RBFOX1: variants seen among roughly 807,000 people sequenced by gnomAD.
The protein encoded by RBFOX1 is RNA binding fox-1 homolog 1.
RBFOX1 carries 8 observed loss-of-function variants against 57.7 expected under a neutral mutation model. The ratio of observed to expected loss-of-function variants is 0.14; its 90% CI spans 0.08 to 0.25. The LOEUF (loss-of-function observed/expected upper bound fraction) is 0.25. RBFOX1 is among the 10% of genes least tolerant of loss of function. The pLI is 1.00. For synonymous variants in RBFOX1, 326 were observed against 222.4 expected (o/e 1.47, Z -4.15); for missense variants, 611 against 548.5 (o/e 1.11, Z -1.14).
intron 2 of RBFOX1, among the ~76,000 whole-genome samples, chr16:6,617,460 T>C (rs1243805465): frequency 2.6e-5 from 4 of 151,534 alleles, no homozygotes; most frequent in Admixed American, 1.3e-4. Context: ...TCCAGTTCAC[T>C]TCTCATGGAT....
chr16:6,434,495 T>A (rs2094182117), intron 2 of RBFOX1, among the ~76,000 whole-genome samples: 1 of 152,212 alleles, frequency 6.6e-6, no homozygotes, highest in South Asian at 2.1e-4. Flanking sequence ...ATTTGTGAAC[T>A]GTGTATTCAT....
chr16:7,372,527 T>A (rs2097586488), intron 4 of RBFOX1, among the ~76,000 whole-genome samples: 1 of 152,126 alleles, frequency 6.6e-6, no homozygotes, highest in African/African-American at 2.4e-5. Flanking sequence ...CCAACCCTGA[T>A]TGATTAGTAG....
At chr16:6,049,154 C>T (rs777748868) in intron 1 of RBFOX1, among the ~76,000 whole-genome samples, 1 of 141,968 alleles carries the variant, frequency 7.0e-6, no homozygotes, top group Non-Finnish European at 1.5e-5. Flanking sequence ...CCTCGGCTTT[C>T]TGGGGTTCAA....
chr16:5,315,834 G>T (rs1487769117), intron 1 of RBFOX1, among the ~76,000 whole-genome samples: 1 of 152,102 alleles, frequency 6.6e-6, no homozygotes, highest in African/African-American at 2.4e-5. Flanking sequence ...GTCCACCTCT[G>T]TGCTCACATT....
intron 3 of RBFOX1, among the ~76,000 whole-genome samples, chr16:5,751,820 T>C (rs1364797509): frequency 1.3e-5 from 2 of 152,220 alleles, no homozygotes; most frequent in Non-Finnish European, 2.9e-5. Flanking sequence ...TTATTCCTTA[T>C]TGGTGGGAAA....
intron 2 of RBFOX1, among the ~76,000 whole-genome samples, chr16:6,596,315 G>A (rs902011146): frequency 6.6e-6 from 1 of 152,080 alleles, no homozygotes; most frequent in Admixed American, 6.6e-5. Flanking sequence ...ATTTGCATTT[G>A]TATCTTTGCA....
chr16:6,356,048 A>G (rs2087260907), intron 2 of RBFOX1, among the ~76,000 whole-genome samples: 1 of 152,256 alleles, frequency 6.6e-6, no homozygotes, highest in Non-Finnish European at 1.5e-5. Flanking sequence ...ATAAATATTC[A>G]TGAGTCAATA....
intron 10 of RBFOX1, among the ~76,000 whole-genome samples, chr16:7,609,924 T>C (rs1283505312): frequency 2.0e-5 from 3 of 151,410 alleles, no homozygotes; most frequent in Admixed American, 6.6e-5. Context: ...TTCAAGTGAT[T>C]CTCCTGCCTC....
intron 3 of RBFOX1, among the ~76,000 whole-genome samples, chr16:5,655,711 A>T (rs2151377163): frequency 6.6e-6 from 1 of 152,308 alleles, no homozygotes; most frequent in Non-Finnish European, 1.5e-5. Context: ...GTACAGTGTA[A>T]CCCTTGAGAA....
chr16:5,476,515 C>G (rs1021472124), intron 2 of RBFOX1, among the ~76,000 whole-genome samples: 5 of 152,238 alleles, frequency 3.3e-5, no homozygotes, highest in Admixed American at 3.3e-4. Flanking sequence ...TAAGTGAACT[C>G]TGAAGACAAC....
chr16:7,427,959 A>T (rs1222969014), intron 4 of RBFOX1, among the ~76,000 whole-genome samples: 7 of 152,154 alleles, frequency 4.6e-5, no homozygotes, highest in African/African-American at 1.7e-4. Flanking sequence ...CTGTTTCTTG[A>T]ACATACTCCG....
At chr16:6,252,047 C>T (rs1458352035) in intron 1 of RBFOX1, among the ~76,000 whole-genome samples, 1 of 152,070 alleles carries the variant, frequency 6.6e-6, no homozygotes, top group Non-Finnish European at 1.5e-5. Context: ...GGTCTCCTTG[C>T]TTGATGGAGG....
At chr16:7,403,157 A>G (rs533288029) in intron 4 of RBFOX1, among the ~76,000 whole-genome samples, 6 of 152,312 alleles carry the variant, frequency 3.9e-5, no homozygotes, top group African/African-American at 1.4e-4. Flanking sequence ...TGATATTTTG[A>G]TATATGTATA....
intron 3 of RBFOX1, among the ~76,000 whole-genome samples, chr16:5,636,085 T>G (rs2048674265): frequency 6.6e-6 from 1 of 151,674 alleles, no homozygotes; most frequent in Admixed American, 6.6e-5. Context: ...TGGTGGCTCA[T>G]GCCTGTAACC....
chr16:6,327,332 C>A (rs1407053290), intron 2 of RBFOX1, among the ~76,000 whole-genome samples: 1 of 152,068 alleles, frequency 6.6e-6, no homozygotes, highest in Non-Finnish European at 1.5e-5. Context: ...TAGTAGGTTT[C>A]TGCTTTTCTC....
chr16:6,584,283 C>G (rs564025039), intron 2 of RBFOX1, among the ~76,000 whole-genome samples: 1 of 151,166 alleles, frequency 6.6e-6, no homozygotes, highest in African/African-American at 2.4e-5. Context: ...CTATTTGGAG[C>G]TCAGTGAGTT....
At chr16:6,245,230 A>T (rs2097562613) in intron 1 of RBFOX1, among the ~76,000 whole-genome samples, 1 of 152,162 alleles carries the variant, frequency 6.6e-6, no homozygotes, top group Non-Finnish European at 1.5e-5. Flanking sequence ...CATGAATATA[A>T]GCAGAAATGA....
intron 2 of RBFOX1, among the ~76,000 whole-genome samples, chr16:5,526,793 A>G (rs1024102606): frequency 1.3e-5 from 2 of 152,208 alleles, no homozygotes; most frequent in Admixed American, 6.5e-5. Flanking sequence ...ACTAGTGTCC[A>G]TAACGTGTTT....
rs1567302846 is a variant in RBFOX1, at chr16:6,450,784, T to TATATGTATATATATATATAC, written c.-64+133731_-64+133732insGTATATATATATATACATAT. On this transcript the variant is annotated intron_variant, in intron 2 of 15. Transcript: ENST00000550418. ...ATATATGTGTATATATATATATATA[T>TATATGTATATATATATATAC]ATATACATATATATATGTATATATA... Among the ~76,000 whole-genome samples the TATATGTATATATATATATAC allele has an allele frequency of 1.8e-4, 6 of 33,416 alleles. No individual in the cohort carries two copies. In the East Asian group the frequency reaches 8.5e-3, roughly 48 times the overall value. The allele number at this position is 33,416 out of a possible 152,430, so 21.9% of individuals were successfully genotyped here. A position where few individuals can be genotyped will look rare whatever the true frequency, so the allele number is the denominator to read the frequency against.
Sources: gnomAD v4.1 joint callset for allele counts (sites outside exome capture counted in the v4.1 genomes callset) on GRCh38, gnomAD v4.1.1 for gene constraint, MANE v1.5 for transcripts, NCBI Gene and HGNC (gene_info 2026-07-23, HGNC 2026-07-21) for gene names.